The following DCAF13 variants were observed in gnomAD, a reference collection of about 807,000 sequenced individuals.
DCAF13 encodes DDB1- and CUL4-associated factor 13.
In DCAF13, 38 loss-of-function variants were observed where a neutral mutation model predicts 59.0. The observed-to-expected ratio is 0.64, with a 90% CI of 0.50 to 0.84. DCAF13 has a LOEUF of 0.84. Ranked by LOEUF, DCAF13 falls within the 40% of genes least tolerant of loss-of-function variation. The probability of loss-of-function intolerance (pLI) is 0.00; values close to 1 mark genes in which losing one functional copy is unlikely to be tolerated. For synonymous variants in DCAF13, 173 were observed against 175.0 expected, an observed-to-expected ratio of 0.99 and a Z score of 0.09; for missense variants, 469 against 558.4, an observed-to-expected ratio of 0.84 and a Z score of 1.61.
intron 1 of DCAF13, among the ~76,000 whole-genome samples, chr8:103,418,864 ATATTT>A (rs1816678822): frequency 1.1e-3 from 31 of 27,948 alleles, no homozygotes; most frequent in African/African-American, 6.5e-3. Context: ...ATATATATAT[ATATTT>A]TTTTTTTTTT....
chr8:103,423,449 GAC>G (rs1213284211), intron 3 of DCAF13, among the ~76,000 whole-genome samples: 1 of 152,082 alleles, frequency 6.6e-6, no homozygotes, highest in Non-Finnish European at 1.5e-5. Flanking sequence ...AGTTAAATAA[GAC>G]AGATACCACA....
chr8:103,427,315 A>T, intron 5 of DCAF13, 63 bp downstream of exon 5: 2 of 1,436,326 alleles, frequency 1.4e-6, no homozygotes, highest in South Asian at 2.5e-5. Context: ...TCTGTTTAGA[A>T]AACTTTTGAA....
intron 8 of DCAF13, among the ~76,000 whole-genome samples, chr8:103,438,452 GCT>G (rs1187353205): frequency 2.0e-5 from 3 of 150,044 alleles, no homozygotes; most frequent in Non-Finnish European, 4.4e-5. Context: ...ACAGAGTCTG[GCT>G]CTGTCAGCCA....
chr8:103,421,341 C>T (rs1816720510), intron 3 of DCAF13: 1 of 548,734 alleles, frequency 1.8e-6, no homozygotes, highest in Non-Finnish European at 3.3e-6. Flanking sequence ...AAGAGTTTGG[C>T]TTACTCTGGA....
chr8:103,435,754 C>A lies in DCAF13; in HGVS notation c.914C>A (p.Ser305Tyr). The change falls in exon 8 of 11, where the codon TCT becomes TAT. Residue 305 changes from serine (S) to tyrosine (Y), a missense_variant. Physicochemically the swap from Ser to Tyr is moderately radical, Grantham distance 144. Around this residue, in one of 3 missense-constraint regions of DCAF13, gnomAD observed 355 missense variants for 399.1 expected, o/e 0.89. Transcript: ENST00000612750. The stretch of plus-strand genomic sequence containing the variant: ...TTTGTGTCTGCTAGTTTCGATAAAT[C>A]TATTCGAATCTTTCCTGTAGACAAA... The part of the protein sequence containing the change: ...KEFVSASFDK[S>Y]IRIFPVDKSR... 1 of 1,613,712 alleles carries A rather than the reference C, an allele frequency of 6.2e-7. No individual in the cohort carries two copies. The highest frequency in any genetic ancestry group is 8.5e-7 in the Non-Finnish European group (1 of 1,179,764).
intron 7 of DCAF13, among the ~76,000 whole-genome samples, chr8:103,435,329 CT>C (rs1440979741): frequency 6.6e-6 from 1 of 152,076 alleles, no homozygotes; most frequent in African/African-American, 2.4e-5. Flanking sequence ...TAACTGGCCT[CT>C]GGGTAGTAGA....
rs570858683 is a variant in DCAF13, at chr8:103,438,045, G to C, written c.951-2091G>C. Among the ~76,000 whole-genome samples, 239 of 152,290 alleles carry C rather than the reference G, an allele frequency of 1.6e-3. 3 individuals carry two copies. Among genetic ancestry groups the C allele is most frequent in the African/African-American group, 5.3e-3 (219 of 41,568 alleles). ...AACATATCTAGAAGTTAAGAACTCA[G>C]CATAGTTTACCATTGGGGAGGATTC... On this transcript the variant is annotated intron_variant, in intron 8 of 10. Coordinates refer to ENST00000612750, the MANE Select transcript of DCAF13 (RefSeq NM_015420.7).
chr8:103,440,160 G>A lies in DCAF13; in HGVS notation c.975G>A (p.Met325Ile), dbSNP rs1816989349. The A allele has an allele frequency of 6.3e-7, 1 of 1,594,896 alleles. No homozygotes were observed. Among genetic ancestry groups the A allele is most frequent in the East Asian group, 2.3e-5 (1 of 44,048 alleles). The change falls in exon 9 of 11, where the codon ATG becomes ATA. Residue 325 changes from methionine to isoleucine, a missense_variant. By Grantham distance (10) the Met-to-Ile change is conservative. This residue lies in a region of DCAF13 where 30 missense variants were observed against 67.1 expected (regional missense o/e 0.45). Transcript: ENST00000612750. ...RSREVYHTKR[M>I]QHVICVKWTS... is the part of the protein sequence containing the mutation. ...GGGAGGTATATCATACAAAGAGAAT[G>A]CAACATGTTATCTGTGTAAAATGGA... is the stretch of plus-strand genomic sequence containing the variant.
chr8:103,433,588 T>G (rs1816894659), intron 7 of DCAF13, among the ~76,000 whole-genome samples: 1 of 152,058 alleles, frequency 6.6e-6, no homozygotes, highest in African/African-American at 2.4e-5. Flanking sequence ...AAAAAAGTAG[T>G]AGTGTTAGCT....
chr8:103,430,837 C>T (rs1816854088), intron 6 of DCAF13, 148 bp downstream of exon 6: 1 of 501,494 alleles, frequency 2.0e-6, no homozygotes, highest in Non-Finnish European at 3.4e-6. Context: ...TGATGATAGT[C>T]ATGTTCTTTC....
At chr8:103,421,606 C>T (rs1816724281) in intron 3 of DCAF13, among the ~76,000 whole-genome samples, 1 of 152,184 alleles carries the variant, frequency 6.6e-6, no homozygotes, top group Admixed American at 6.5e-5. Context: ...CCCCTCAGTC[C>T]CCAACCCCTG....
chr8:103,419,496 TATC>T (rs1261420125), intron 1 of DCAF13, among the ~76,000 whole-genome samples: 5 of 152,194 alleles, frequency 3.3e-5, no homozygotes, highest in South Asian at 2.1e-4. Context: ...AGCTATATAA[TATC>T]ATCATAATCA....
chr8:103,436,345 A>G (rs1260528775), intron 8 of DCAF13, among the ~76,000 whole-genome samples: 1 of 152,180 alleles, frequency 6.6e-6, no homozygotes, highest in South Asian at 2.1e-4. Flanking sequence ...AATAAAAGTA[A>G]GTTTAAATTG....
At chr8:103,439,383 CTTTTTTTTTTTTT>C (rs34676422) in intron 8 of DCAF13, 1 of 85,790 alleles carries the variant, frequency 1.2e-5, no homozygotes, top group Non-Finnish European at 2.2e-5. Context: ...TTTAATTAAG[CTTTTTTTTTTTTT>C]TTTTTTTTTT....
At position 103,442,909 on chromosome 8, in the gene DCAF13, T is replaced by C; in HGVS notation, c.*27T>C. On this transcript the variant is annotated 3_prime_UTR_variant, in exon 11 of 11. Coordinates refer to ENST00000612750, the MANE Select transcript of DCAF13 (RefSeq NM_015420.7). ...TGGTATTCCTAACAATCCTGATGTATAATTATTTGTTACTTTTGATTTGAG... is the reference window on the plus strand; with the variant it reads ...TGGTATTCCTAACAATCCTGATGTACAATTATTTGTTACTTTTGATTTGAG... 3 of 1,459,924 alleles carry C rather than the reference T, an allele frequency of 2.1e-6. No individual in the cohort carries two copies. The highest frequency in any genetic ancestry group is 2.8e-6 in the Non-Finnish European group (3 of 1,066,826). The allele number at this position is 1,459,924 out of a possible 1,614,324, so 90.4% of individuals were successfully genotyped here.
At chr8:103,431,691 A>G (rs1278954154) in intron 6 of DCAF13, among the ~76,000 whole-genome samples, 2 of 152,214 alleles carry the variant, frequency 1.3e-5, no homozygotes, top group Non-Finnish European at 2.9e-5. Flanking sequence ...TGAGAATAAA[A>G]CATGATACTT....
intron 8 of DCAF13, among the ~76,000 whole-genome samples, chr8:103,438,442 A>G (rs1563506854): frequency 2.1e-5 from 3 of 145,026 alleles, no homozygotes; most frequent in African/African-American, 7.7e-5. Flanking sequence ...TTTTTTTGAG[A>G]CAGAGTCTGG....
At chr8:103,420,551 C>A in intron 2 of DCAF13, 88 bp downstream of exon 2, 1 of 1,363,186 alleles carries the variant, frequency 7.3e-7, no homozygotes, top group Non-Finnish European at 1.0e-6. Flanking sequence ...GTAGGTTTTA[C>A]TTTATTGGAT....
intron 1 of DCAF13, among the ~76,000 whole-genome samples, chr8:103,418,363 T>A (rs984475322): frequency 6.6e-6 from 1 of 151,376 alleles, no homozygotes; most frequent in East Asian, 2.0e-4. Flanking sequence ...CTACAAAAAA[T>A]TTAAAGATTA....
Sources: allele counts gnomAD v4.1 joint callset (sites outside exome capture counted in the v4.1 genomes callset), GRCh38; gene constraint gnomAD v4.1.1; regional missense constraint gnomAD v4.1.1; transcripts MANE v1.5; gene names NCBI Gene and HGNC (gene_info 2026-07-23, HGNC 2026-07-21).